TECPR2: variants seen among roughly 807,000 people sequenced by gnomAD.
TECPR2 encodes the protein tectonin beta-propeller repeat-containing protein 2.
TECPR2 carries 65 observed loss-of-function variants against 138.1 expected under a neutral mutation model. The ratio of observed to expected loss-of-function variants is 0.47; its 90% confidence interval spans 0.39 to 0.58. The LOEUF is 0.58. TECPR2 is among the 20% of genes least tolerant of loss of function. The pLI, the probability that TECPR2 is intolerant of heterozygous loss-of-function variation, is 0.00. For missense variants in TECPR2, 1,553 were observed against 1,824.5 expected (o/e 0.85, Z 2.71); for synonymous variants, 746 against 749.8 (o/e 0.99, Z 0.08).
intron 2 of TECPR2, among the ~76,000 whole-genome samples, chr14:102,396,848 G>C (rs1389372013): frequency 6.6e-6 from 1 of 152,216 alleles, no homozygotes; most frequent in Non-Finnish European, 1.5e-5. Flanking sequence ...TTTGGGGTCT[G>C]TGCTCTGACT....
At chr14:102,488,770 TCTA>T (rs769460842) in intron 17 of TECPR2, among the ~76,000 whole-genome samples, 1 of 152,052 alleles carries the variant, frequency 6.6e-6, no homozygotes, top group Non-Finnish European at 1.5e-5. Flanking sequence ...CCAAGGCTTG[TCTA>T]CTTTTTTTTT....
In TECPR2 at chr14:102,489,901, G is replaced by A. The variant is rs183517269; in HGVS notation, c.3790-7078G>A. Among the ~76,000 whole-genome samples the A allele has an allele frequency of 2.1e-3, 322 of 152,056 alleles. 1 individual carries two copies. The highest frequency in any genetic ancestry group is 7.4e-3 in the African/African-American group (306 of 41,482). On this transcript the variant is annotated intron_variant, in intron 17 of 19. Coordinates refer to ENST00000359520, the MANE Select transcript of TECPR2 (RefSeq NM_014844.5). ...CAAACCAGCAGTGCCAGGCTCAGCC[G>A]GGAGTTCTTTTGCCTCCAAAGAAAG...
chr14:102,434,650 A>G lies in TECPR2; in HGVS notation c.1833A>G (p.Thr611=), dbSNP rs147716085. The G allele has an allele frequency of 1.0e-4, 165 of 1,602,354 alleles. 2 individuals are homozygous for G. In the African/African-American group the frequency reaches 1.9e-3, roughly 19 times the overall value. The part of the protein sequence containing the change: ...PCPADDGPNS[T]QLPFQEQDSS... ...CTGCAGATGATGGACCAAATAGCAC[A>G]CAGTTACCCTTCCAAGAACAGGACA... The change falls in exon 9 of 20, where the codon ACA becomes ACG. Residue 611 remains threonine, a synonymous_variant. Transcript: ENST00000359520.
chr14:102,423,482 T>G (rs1889238540), intron 5 of TECPR2, among the ~76,000 whole-genome samples: 2 of 151,878 alleles, frequency 1.3e-5, no homozygotes, highest in South Asian at 4.2e-4. Flanking sequence ...ATTATTATTA[T>G]TATTATTTTT....
chr14:102,427,997 C>T lies in TECPR2; in HGVS notation c.952-253C>T, dbSNP rs529594160. Among the ~76,000 whole-genome samples, 14 of 152,272 alleles carry T rather than the reference C, an allele frequency of 9.2e-5. 1 individual carries two copies. In the South Asian group the frequency reaches 2.1e-3, roughly 23 times the overall value. ...AGGGCCGGTGCACCTGCAGCAGGGA[C>T]GAGGGCAGGGTGGTACGTGGGTCGG... On this transcript the variant is annotated intron_variant, in intron 6 of 19. Transcript: ENST00000359520.
chr14:102,385,308 C>T (rs1887966985), intron 2 of TECPR2, among the ~76,000 whole-genome samples: 1 of 152,160 alleles, frequency 6.6e-6, no homozygotes, highest in Admixed American at 6.5e-5. Context: ...TTAATCTATT[C>T]ATGAGGGATC....
In TECPR2 at chr14:102,399,791, A is replaced by C. The variant is rs1056178048; in HGVS notation, c.220-7547A>C. On this transcript the variant is annotated intron_variant, in intron 2 of 19. Transcript: ENST00000359520. ...GGTTGTAGCGAACTGAGATCTGGCC[A>C]CTGCGCTCCAGCCTGGTGACAGAGC... Among the ~76,000 whole-genome samples, 105 of 151,844 alleles carry C rather than the reference A, an allele frequency of 6.9e-4. 1 individual carries two copies. Among genetic ancestry groups the C allele is most frequent in the Non-Finnish European group, 2.4e-4 (16 of 67,990 alleles).
chr14:102,440,652 A>C (rs781681952), intron 11 of TECPR2, 43 bp downstream of exon 11: 1 of 1,596,046 alleles, frequency 6.3e-7, no homozygotes, highest in African/African-American at 1.3e-5. Flanking sequence ...CTCTGCCGTC[A>C]CTGCCTCTGC....
chr14:102,428,452 G>GT (rs1227219681), intron 7 of TECPR2, 70 bp downstream of exon 7: 1 of 1,585,038 alleles, frequency 6.3e-7, no homozygotes, highest in Non-Finnish European at 8.5e-7. Context: ...TGTAATTGCA[G>GT]TTAATAATTG....
At chr14:102,487,623 G>C (rs986853767) in intron 17 of TECPR2, among the ~76,000 whole-genome samples, 9 of 152,056 alleles carry the variant, frequency 5.9e-5, no homozygotes, top group Admixed American at 3.3e-4. Flanking sequence ...CTCACTGCAA[G>C]CTCCGCCTCC....
At chr14:102,382,699 C>G (rs1229450078) in intron 2 of TECPR2, among the ~76,000 whole-genome samples, 1 of 152,170 alleles carries the variant, frequency 6.6e-6, no homozygotes, top group Non-Finnish European at 1.5e-5. Context: ...GCTTTCCAGG[C>G]CCTTGTGTTT....
At chr14:102,432,542 C>T (rs886211260) in intron 8 of TECPR2, among the ~76,000 whole-genome samples, 12 of 152,036 alleles carry the variant, frequency 7.9e-5, no homozygotes, top group East Asian at 5.8e-4. Context: ...CTCAGCCTCC[C>T]GAGTATGCAT....
At chr14:102,379,013 C>T (rs921946800) in intron 2 of TECPR2, among the ~76,000 whole-genome samples, 3 of 152,154 alleles carry the variant, frequency 2.0e-5, no homozygotes, top group Admixed American at 6.6e-5. Flanking sequence ...ATCAAATTCC[C>T]CAAACATTTA....
chr14:102,461,777 T>C (rs776487950), intron 16 of TECPR2, among the ~76,000 whole-genome samples: 19 of 152,188 alleles, frequency 1.2e-4, no homozygotes, highest in Non-Finnish European at 2.8e-4. Context: ...TCAGAGCCTG[T>C]TGCCAGTACT....
chr14:102,422,049 G>A (rs564262262), intron 5 of TECPR2, among the ~76,000 whole-genome samples: 2 of 151,930 alleles, frequency 1.3e-5, no homozygotes, highest in Admixed American at 6.6e-5. Context: ...GTATAATCAC[G>A]TTTAAAAAGC....
Position 102,483,000 on chromosome 14 carries a change from C to A in TECPR2, c.3790-13979C>A, listed in dbSNP as rs367652816. ...CTGGGACTACAGGCGCCCGCTACCA[C>A]GCCTGGCTAATTTTTTTTTTTTTTG... is the stretch of plus-strand genomic sequence containing the variant. On this transcript the variant is annotated intron_variant, in intron 17 of 19. Coordinates refer to ENST00000359520, the MANE Select transcript of TECPR2 (RefSeq NM_014844.5). 4.0e-5 allele frequency among the ~76,000 whole-genome samples: 6 copies of A among 151,452 alleles called. No individual in the cohort carries two copies. The South Asian group carries it at 1.3e-3, about 32-fold the overall frequency.
Position 102,446,042 on chromosome 14 carries a change from A to G in TECPR2, c.3075+95A>G, listed in dbSNP as rs549472806. On this transcript the variant is annotated intron_variant, in intron 13 of 19. Coordinates refer to ENST00000359520, the MANE Select transcript of TECPR2 (RefSeq NM_014844.5). ...CTCTTTTCCTTAACGATACTAGATT[A>G]AATTTAAAATACTCACTTTTTTATT... is the stretch of plus-strand genomic sequence containing the variant. 4.5e-6 allele frequency: 6 copies of G among 1,334,732 alleles called. No individual in the cohort carries two copies. In the African/African-American group the frequency reaches 9.0e-5, roughly 20 times the overall value. The allele number at this position is 1,334,732 out of a possible 1,614,324, so 82.7% of individuals were successfully genotyped here.
intron 17 of TECPR2, among the ~76,000 whole-genome samples, chr14:102,476,206 CAAAAAAAAAAAAA>C (rs58293049): frequency 3.4e-5 from 2 of 59,682 alleles, no homozygotes; most frequent in Admixed American, 2.5e-4. Context: ...GACTCTGTCT[CAAAAAAAAAAAAA>C]AAAAAAAAAA....
chr14:102,399,902 TA>T (rs1363112449), intron 2 of TECPR2, among the ~76,000 whole-genome samples: 1 of 152,092 alleles, frequency 6.6e-6, no homozygotes, highest in Non-Finnish European at 1.5e-5. Flanking sequence ...TGTGCAATTT[TA>T]AAAGCTAATA....
Sources: gnomAD v4.1 joint callset for allele counts (sites outside exome capture counted in the v4.1 genomes callset) on GRCh38, gnomAD v4.1.1 for gene constraint, MANE v1.5 for transcripts, NCBI Gene and HGNC (gene_info 2026-07-23, HGNC 2026-07-21) for gene names.